GGCT: variants seen among roughly 807,000 people sequenced by gnomAD.
GGCT encodes cytochrome c-releasing factor 21.
GGCT carries 20 observed loss-of-function variants against 22.1 expected under a neutral mutation model. The observed-to-expected ratio is 0.91, with a 90% CI of 0.64 to 1.32. The LOEUF is 1.32. GGCT is among the 40% of genes most tolerant of loss of function. GGCT has a pLI of 0.00. For synonymous variants in GGCT, 72 were observed against 78.4 expected (o/e 0.92, Z 0.43); for missense variants, 209 against 223.5 (o/e 0.94, Z 0.41).
At chr7:30,504,515 G>C in intron 1 of GGCT, 54 bp downstream of exon 1, 1 of 1,602,152 alleles carries the variant, frequency 6.2e-7, no homozygotes, top group Non-Finnish European at 8.5e-7. Context: ...CCCCGAGGAA[G>C]CGCCTTCTGG....
rs766416927 is a variant in GGCT at position 30,500,594 on chromosome 7, C to T, written c.229G>A (p.Asp77Asn). ...TTCCATACTACTCCCCACACTTCAT[C>T]GCCAGGACTCTGAAAAATGGTGGCT... Reference protein sequence around the residue: ...GIATIFQSPGDEVWGVVWKMN... With the variant: ...GIATIFQSPGNEVWGVVWKMN... The change falls in exon 2 of 4, where the codon GAT becomes AAT. Residue 77 changes from aspartate (D) to asparagine (N), a missense_variant. Physicochemically the swap from Asp to Asn is conservative, Grantham distance 23. Coordinates refer to ENST00000275428, the MANE Select transcript of GGCT (RefSeq NM_024051.4). 9 of 1,613,678 alleles carry T rather than the reference C, an allele frequency of 5.6e-6. No homozygotes were observed. The highest frequency in any genetic ancestry group is 2.2e-5 in the East Asian group (1 of 44,874).
chr7:30,500,931 A>C (rs1583948871), intron 1 of GGCT, among the ~76,000 whole-genome samples: 3 of 152,230 alleles, frequency 2.0e-5, no homozygotes, highest in Admixed American at 2.0e-4. Flanking sequence ...TCTTAACAAA[A>C]ACAAAAAGTT....
At chr7:30,497,649 T>TG in intron 3 of GGCT, 1 of 652,780 alleles carries the variant, frequency 1.5e-6, no homozygotes, top group Non-Finnish European at 2.3e-6. Flanking sequence ...AAATGGCAAC[T>TG]GTGTTTAGCG....
At chr7:30,502,813 G>C (rs2952799) in intron 1 of GGCT, among the ~76,000 whole-genome samples, 3,367 of 152,286 alleles carry the variant, frequency 0.022, 136 homozygotes, top group African/African-American at 0.075. Context: ...GGCATAAATT[G>C]CTGCAAAAAC....
intron 1 of GGCT, among the ~76,000 whole-genome samples, chr7:30,503,125 CA>C (rs1789741093): frequency 6.6e-6 from 1 of 152,224 alleles, no homozygotes; most frequent in Admixed American, 6.5e-5. Flanking sequence ...ATTCAGGTCT[CA>C]ACTTAAAAGT....
intron 1 of GGCT, among the ~76,000 whole-genome samples, chr7:30,503,280 T>C (rs928801698): frequency 2.6e-5 from 4 of 152,186 alleles, no homozygotes; most frequent in African/African-American, 9.6e-5. Context: ...TCTCTTCCCC[T>C]TGCCCTGACT....
chr7:30,504,449 G>T, intron 1 of GGCT, 120 bp downstream of exon 1: 1 of 1,170,312 alleles, frequency 8.5e-7, no homozygotes, highest in Non-Finnish European at 1.2e-6. Context: ...CGGAAGCCGC[G>T]TCCTAGTACC....
chr7:30,499,325 T>C (rs1789639279), intron 2 of GGCT, among the ~76,000 whole-genome samples: 1 of 151,230 alleles, frequency 6.6e-6, no homozygotes. Flanking sequence ...GAGAATCACT[T>C]GAACCCGGGA....
intron 3 of GGCT, among the ~76,000 whole-genome samples, chr7:30,498,048 TATAC>T (rs1789599073): frequency 7.6e-6 from 1 of 131,870 alleles, no homozygotes; most frequent in Non-Finnish European, 1.7e-5. Context: ...TATACATATA[TATAC>T]ATATATGTAT....
At chr7:30,504,524 G>T in intron 1 of GGCT, 45 bp downstream of exon 1, 3 of 1,608,384 alleles carry the variant, frequency 1.9e-6, no homozygotes, top group Non-Finnish European at 1.7e-6. Flanking sequence ...AGCGCCTTCT[G>T]GGCATCCCGG....
At chr7:30,499,534 T>C (rs889643752) in intron 2 of GGCT, among the ~76,000 whole-genome samples, 3 of 150,838 alleles carry the variant, frequency 2.0e-5, no homozygotes, top group Non-Finnish European at 2.9e-5. Context: ...AGAAACCTTG[T>C]CTCTACTAAA....
chr7:30,504,465 CAAG>C (rs1182108876), intron 1 of GGCT, 101 bp downstream of exon 1: 3 of 1,354,620 alleles, frequency 2.2e-6, no homozygotes, highest in African/African-American at 1.4e-5. Flanking sequence ...GTACCCTCAT[CAAG>C]AAGAACTGCA....
Position 30,496,863 on chromosome 7 carries a change from CAT to C in GGCT, c.*227_*228del. The C allele has an allele frequency of 3.1e-6, 1 of 324,314 alleles. No homozygotes were observed. Among genetic ancestry groups the C allele is most frequent in the South Asian group, 9.0e-5 (1 of 11,162 alleles). 20.1% of individuals were successfully genotyped at this position (324,314 alleles called of 1,614,324 possible). On this transcript the variant is annotated 3_prime_UTR_variant, in exon 4 of 4. Coordinates refer to ENST00000275428, the MANE Select transcript of GGCT (RefSeq NM_024051.4). The stretch of plus-strand genomic sequence containing the variant: ...TCAGTGTTCACAGAAGGGGTACTCA[CAT>C]TCATTTGTCACATATTTCAGGCCCT...
At position 30,503,607 on chromosome 7, in the gene GGCT, C is replaced by T. The variant is rs528077616; in HGVS notation, c.141+962G>A. 2.0e-5 allele frequency among the ~76,000 whole-genome samples: 3 copies of T among 152,192 alleles called. No individual in the cohort carries two copies. In the East Asian group the frequency reaches 5.8e-4, roughly 29 times the overall value. The stretch of plus-strand genomic sequence containing the variant: ...AGGGGGTGGTGGACAATACAGCATC[C>T]ACGTTTACCAAGTTCAGCAGTGGCG... On this transcript the variant is annotated intron_variant, in intron 1 of 3. Coordinates refer to ENST00000275428, the MANE Select transcript of GGCT (RefSeq NM_024051.4).
chr7:30,500,485 A>G (rs748096434), intron 2 of GGCT, 51 bp downstream of exon 2: 1 of 1,466,948 alleles, frequency 6.8e-7, no homozygotes, highest in African/African-American at 1.4e-5. Flanking sequence ...CTCACATACA[A>G]TCTGCTTTCT....
intron 1 of GGCT, among the ~76,000 whole-genome samples, chr7:30,502,246 T>A (rs543042879): frequency 6.6e-6 from 1 of 152,310 alleles, no homozygotes; most frequent in East Asian, 1.9e-4. Flanking sequence ...TTTTTTTGTT[T>A]TTGTTTTTGT....
At position 30,496,978 on chromosome 7, in the gene GGCT, C is replaced by A; in HGVS notation, c.*114G>T. On this transcript the variant is annotated 3_prime_UTR_variant, in exon 4 of 4. Transcript: ENST00000275428. ...GAATCACCCAAGTAAGATACTCCTTCAGAGCACTGCTGAAAATGGATCAAA... is the reference window on the plus strand; with the variant it reads ...GAATCACCCAAGTAAGATACTCCTTAAGAGCACTGCTGAAAATGGATCAAA... 1.6e-6 allele frequency: 1 copy of A among 631,150 alleles called. No individual in the cohort carries two copies. The allele number at this position is 631,150 out of a possible 1,614,324, so 39.1% of individuals were successfully genotyped here.
chr7:30,496,945 A>G lies in GGCT; in HGVS notation c.*147T>C. 2.0e-6 allele frequency: 1 copy of G among 502,274 alleles called. No individual in the cohort carries two copies. Among genetic ancestry groups the G allele is most frequent in the Non-Finnish European group, 3.4e-6 (1 of 292,750 alleles). The allele number at this position is 502,274 out of a possible 1,614,324, so 31.1% of individuals were successfully genotyped here. Reference sequence around the variant, plus strand: ...TATCCCAGTTTCTTTTTATAGTCTAAAAACAAGGAATCACCCAAGTAAGAT... The same window carrying G: ...TATCCCAGTTTCTTTTTATAGTCTAGAAACAAGGAATCACCCAAGTAAGAT... On this transcript the variant is annotated 3_prime_UTR_variant, in exon 4 of 4. Transcript: ENST00000275428.
At chr7:30,497,269 C>G (rs374684599) in intron 3 of GGCT, 34 bp from the exon 4 acceptor site, 1 of 1,547,084 alleles carries the variant, frequency 6.5e-7, no homozygotes, top group African/African-American at 1.4e-5. Context: ...ACAAAAAAAC[C>G]CTTTCAGTTA....
Sources: gnomAD v4.1 joint callset for allele counts (sites outside exome capture counted in the v4.1 genomes callset) on GRCh38, gnomAD v4.1.1 for gene constraint, MANE v1.5 for transcripts, NCBI Gene and HGNC (gene_info 2026-07-23, HGNC 2026-07-21) for gene names.